The following PCDH11X variants were observed in gnomAD, a reference collection of about 807,000 sequenced individuals.
The protein encoded by PCDH11X is protocadherin-11 X-linked.
Under a neutral mutation model 53.3 loss-of-function variants are expected in PCDH11X, and 18 were observed. That is an observed-to-expected ratio of 0.34 (90% CI 0.23 to 0.50). PCDH11X has a LOEUF of 0.50. Ranked by LOEUF, PCDH11X falls within the 20% of genes least tolerant of loss-of-function variation. The probability of loss-of-function intolerance (pLI) is 0.98; values close to 1 mark genes in which losing one functional copy is unlikely to be tolerated. For missense variants in PCDH11X, 570 were observed against 1,032.4 expected, an observed-to-expected ratio of 0.55 and a Z score of 6.14; for synonymous variants, 279 against 393.3, an observed-to-expected ratio of 0.71 and a Z score of 3.44.
At chrX:92,125,578 T>G (rs1176862401) in intron 6 of PCDH11X, among the ~76,000 whole-genome samples, 1 of 111,457 alleles carries the variant, frequency 9.0e-6, no homozygotes, top group African/African-American at 3.3e-5. Flanking sequence ...ATGATAAATG[T>G]TTGCCCTTTT....
chrX:92,350,204 T>C lies in PCDH11X; in HGVS notation c.3145-37531T>C, dbSNP rs766492170. Among the ~76,000 whole-genome samples the C allele has an allele frequency of 2.3e-4, 25 of 109,710 alleles. No homozygotes were observed. In the East Asian group the frequency reaches 7.2e-3, roughly 32 times the overall value. Reference sequence around the variant, plus strand: ...GGTGCCTCCATGATTAGCTTAATAATTGACCTTCTGAATTCTTTTTCAGGT... The same window carrying C: ...GGTGCCTCCATGATTAGCTTAATAACTGACCTTCTGAATTCTTTTTCAGGT... On this transcript the variant is annotated intron_variant, in intron 8 of 10. Coordinates refer to ENST00000682573, the MANE Select transcript of PCDH11X (RefSeq NM_032968.5).
chrX:92,118,931 CG>C (rs1412151295), intron 6 of PCDH11X, among the ~76,000 whole-genome samples: 35 of 106,150 alleles, frequency 3.3e-4, no homozygotes, highest in African/African-American at 1.1e-3. Context: ...TTAGTAAAGA[CG>C]GGGTTTCACC....
intron 10 of PCDH11X, among the ~76,000 whole-genome samples, chrX:92,597,932 C>G (rs780597754): frequency 9.0e-6 from 1 of 111,459 alleles, no homozygotes; most frequent in Non-Finnish European, 1.9e-5. Flanking sequence ...GGGGAAAAGA[C>G]AGTCTCTTCA....
chrX:91,813,650 TTTG>T (rs760310852), intron 4 of PCDH11X, among the ~76,000 whole-genome samples: 2 of 105,822 alleles, frequency 1.9e-5, no homozygotes, highest in Admixed American at 1.0e-4. Flanking sequence ...GCTTTCAGTT[TTTG>T]TTGTTGTTGT....
rs186798893 is a variant in PCDH11X at position 92,460,893 on chromosome X, C to T, written c.3344-7406C>T. 337 of 1,037,638 alleles carry T rather than the reference C, an allele frequency of 3.2e-4. No individual in the cohort carries two copies. The African/African-American group carries it at 5.3e-3, about 16-fold the overall frequency. The allele number at this position is 1,037,638 out of a possible 1,213,427, so 85.5% of individuals were successfully genotyped here. ...AACCATCCAAAAGACCACCACCCGCCGGAAAGTGGATGGCAAAGTGGTGTC... is the reference window on the plus strand; with the variant it reads ...AACCATCCAAAAGACCACCACCCGCTGGAAAGTGGATGGCAAAGTGGTGTC... On this transcript the variant is annotated intron_variant, in intron 9 of 10. Transcript: ENST00000682573.
At chrX:92,182,888 T>G (rs2148294016) in intron 6 of PCDH11X, among the ~76,000 whole-genome samples, 1 of 111,409 alleles carries the variant, frequency 9.0e-6, no homozygotes, top group East Asian at 2.8e-4. Flanking sequence ...TCCCCTAAAC[T>G]TCAGAGTCTC....
chrX:92,320,173 G>A (rs760263691), intron 8 of PCDH11X, among the ~76,000 whole-genome samples: 7 of 111,544 alleles, frequency 6.3e-5, no homozygotes, highest in Non-Finnish European at 1.1e-4. Flanking sequence ...TTTGTGTACA[G>A]TACACAAATG....
chrX:92,173,861 T>A (rs1207577751), intron 6 of PCDH11X, among the ~76,000 whole-genome samples: 1 of 105,294 alleles, frequency 9.5e-6, no homozygotes, highest in Admixed American at 1.0e-4. Context: ...GGTGCACACC[T>A]GTAGTCCTAG....
chrX:91,982,587 C>A, intron 6 of PCDH11X: 1 of 509,439 alleles, frequency 2.0e-6, no homozygotes, highest in Non-Finnish European at 3.4e-6. Flanking sequence ...TTAAAAGATA[C>A]ACTAAATTCT....
At chrX:91,791,899 T>C (rs992863613) in intron 1 of PCDH11X, among the ~76,000 whole-genome samples, 2 of 100,907 alleles carry the variant, frequency 2.0e-5, no homozygotes, top group Non-Finnish European at 4.0e-5. Flanking sequence ...TCTCGCTCTG[T>C]CGCCCAGGCT....
At chrX:92,229,860 T>C (rs2067035646) in intron 7 of PCDH11X, among the ~76,000 whole-genome samples, 2 of 111,531 alleles carry the variant, frequency 1.8e-5, no homozygotes, top group African/African-American at 3.2e-5. Flanking sequence ...AGAGAAATTA[T>C]GTAATTTTGG....
chrX:92,431,267 T>C (rs997362911), intron 9 of PCDH11X, among the ~76,000 whole-genome samples: 30 of 110,558 alleles, frequency 2.7e-4, no homozygotes, highest in Non-Finnish European at 4.2e-4. Context: ...TGAAATTTAT[T>C]TGTAGACAGG....
At chrX:92,438,144 C>T (rs1297772055) in intron 9 of PCDH11X, among the ~76,000 whole-genome samples, 1 of 111,607 alleles carries the variant, frequency 9.0e-6, no homozygotes, top group African/African-American at 3.3e-5. Flanking sequence ...CAGTCAAGCA[C>T]CCTTGCCTAC....
intron 1 of PCDH11X, among the ~76,000 whole-genome samples, chrX:91,798,883 A>G: frequency 9.0e-6 from 1 of 110,646 alleles, no homozygotes; most frequent in Middle Eastern, 4.8e-3. Context: ...TCTTGTTGGA[A>G]TGTATTTTAC....
chrX:92,098,866 C>T lies in PCDH11X; in HGVS notation c.3034-102509C>T, dbSNP rs35838793. On this transcript the variant is annotated intron_variant, in intron 6 of 10. Coordinates refer to ENST00000682573, the MANE Select transcript of PCDH11X (RefSeq NM_032968.5). ...TTCTCCATGTTGGTCAGGCTGGTCT[C>T]GAACTCCCAACCTCAGGTGATCAGC... is the stretch of plus-strand genomic sequence containing the variant. 7.2e-3 allele frequency among the ~76,000 whole-genome samples: 799 copies of T among 110,285 alleles called. 8 individuals are homozygous for T. The highest frequency in any genetic ancestry group is 0.025 in the African/African-American group (756 of 30,357).
chrX:92,082,146 C>T (rs1441706976), intron 6 of PCDH11X, among the ~76,000 whole-genome samples: 5 of 110,839 alleles, frequency 4.5e-5, no homozygotes, highest in Admixed American at 2.9e-4. Context: ...CACAGTCTAA[C>T]TCTTATGCAC....
At chrX:91,926,133 T>A in intron 6 of PCDH11X, among the ~76,000 whole-genome samples, 1 of 97,622 alleles carries the variant, frequency 1.0e-5, no homozygotes, top group South Asian at 4.9e-4. Flanking sequence ...TAGAAGGAGA[T>A]TTATTATAAG....
intron 6 of PCDH11X, among the ~76,000 whole-genome samples, chrX:92,038,808 A>T (rs2063168209): frequency 9.3e-6 from 1 of 107,283 alleles, no homozygotes; most frequent in African/African-American, 3.4e-5. Context: ...GTCTCAGGAG[A>T]TCTGATGGTT....
chrX:91,871,862 T>G (rs2147715407), intron 5 of PCDH11X, among the ~76,000 whole-genome samples: 1 of 111,228 alleles, frequency 9.0e-6, no homozygotes, highest in East Asian at 2.8e-4. Flanking sequence ...AAAGTTTATT[T>G]TTGAATTTAG....
Sources: allele counts gnomAD v4.1 joint callset (sites outside exome capture counted in the v4.1 genomes callset), GRCh38; gene constraint gnomAD v4.1.1; transcripts MANE v1.5; gene names NCBI Gene and HGNC (gene_info 2026-07-23, HGNC 2026-07-21).